Variants in MTA3 observed in about 807,000 individuals in gnomAD.
MTA3 encodes the protein metastasis associated 1 family member 3, also known as metastasis-associated protein MTA3.
MTA3 carries 34 observed loss-of-function variants against 83.5 expected under a neutral mutation model. The observed-to-expected ratio is 0.41, with a 90% CI of 0.31 to 0.54. The LOEUF is 0.54. Ranked by LOEUF, MTA3 falls within the 20% of genes least tolerant of loss-of-function variation. The pLI, the probability that MTA3 is intolerant of heterozygous loss-of-function variation, is 0.33. For synonymous variants in MTA3, 303 were observed against 252.7 expected (o/e 1.20, Z -1.89); for missense variants, 761 against 726.4 (o/e 1.05, Z -0.55).
intron 3 of MTA3, among the ~76,000 whole-genome samples, chr2:42,591,670 A>G (rs1239653864): frequency 6.9e-6 from 1 of 144,670 alleles, no homozygotes; most frequent in Non-Finnish European, 1.5e-5. Context: ...TATTTTTTTG[A>G]AACGGAGTTT....
At chr2:42,731,916 A>G (rs1403032697) in intron 16 of MTA3, among the ~76,000 whole-genome samples, 2 of 152,202 alleles carry the variant, frequency 1.3e-5, no homozygotes, top group East Asian at 3.8e-4. Flanking sequence ...CAAATGGGAG[A>G]AATTGGCCAA....
In MTA3 at chr2:42,663,151, T is replaced by G. The variant is rs116172950; in HGVS notation, c.702+3289T>G. On this transcript the variant is annotated intron_variant, in intron 8 of 16. Transcript: ENST00000405094. ...CCCTTGTAGTTTAACACTATTCTTATGAGATACTGCTTCTCAGATTATAAC... is the reference window on the plus strand; with the variant it reads ...CCCTTGTAGTTTAACACTATTCTTAGGAGATACTGCTTCTCAGATTATAAC... Among the ~76,000 whole-genome samples, 17 of 152,370 alleles carry G rather than the reference T, an allele frequency of 1.1e-4. 1 individual carries two copies. In the South Asian group the frequency reaches 3.3e-3, roughly 30 times the overall value.
At chr2:42,594,039 CCT>C (rs1397379473) in intron 3 of MTA3, among the ~76,000 whole-genome samples, 2 of 151,392 alleles carry the variant, frequency 1.3e-5, no homozygotes, top group Admixed American at 6.6e-5. Context: ...GCAACTTCCC[CCT>C]GTCAGGTTCA....
chr2:42,740,594 C>T (rs1344734672), intron 16 of MTA3, among the ~76,000 whole-genome samples: 4 of 152,356 alleles, frequency 2.6e-5, no homozygotes, highest in South Asian at 2.1e-4. Flanking sequence ...GTTGTGCTAG[C>T]GCACATGAAA....
chr2:42,662,876 C>A (rs1234042197), intron 8 of MTA3, among the ~76,000 whole-genome samples: 1 of 151,772 alleles, frequency 6.6e-6, no homozygotes, highest in African/African-American at 2.4e-5. Flanking sequence ...GGATTACAGG[C>A]GCACGTCACC....
chr2:42,562,868 G>A (rs1572987916), intron 2 of MTA3, among the ~76,000 whole-genome samples: 2 of 152,152 alleles, frequency 1.3e-5, no homozygotes, highest in Middle Eastern at 3.4e-3. Flanking sequence ...AAGGCACCTC[G>A]AACACAACCC....
chr2:42,658,976 T>C (rs1436878767), intron 7 of MTA3, among the ~76,000 whole-genome samples: 2 of 149,478 alleles, frequency 1.3e-5, no homozygotes, highest in Non-Finnish European at 1.5e-5. Context: ...TGCATGCCTA[T>C]AGTTACAGCT....
intron 4 of MTA3, among the ~76,000 whole-genome samples, chr2:42,617,403 T>C (rs1685027640): frequency 6.6e-6 from 1 of 152,172 alleles, no homozygotes; most frequent in South Asian, 2.1e-4. Flanking sequence ...AACAATTGTT[T>C]TAATATCAAA....
At chr2:42,702,807 G>A (rs1440733565) in intron 11 of MTA3, 1 of 152,242 alleles carries the variant, frequency 6.6e-6, no homozygotes, top group Non-Finnish European at 1.5e-5. Flanking sequence ...AGCAGCGGGG[G>A]AGTTAGCCTA....
chr2:42,635,131 G>T (rs746109354), intron 4 of MTA3, among the ~76,000 whole-genome samples: 13 of 152,208 alleles, frequency 8.5e-5, no homozygotes, highest in Admixed American at 5.9e-4. Flanking sequence ...TCAGAATTTT[G>T]AATCTGTGCT....
At chr2:42,633,323 C>G (rs964767548) in intron 4 of MTA3, among the ~76,000 whole-genome samples, 2 of 151,450 alleles carry the variant, frequency 1.3e-5, no homozygotes, top group Non-Finnish European at 2.9e-5. Context: ...ATGGCTCATG[C>G]CTGTAATCCC....
At chr2:42,746,791 G>C (rs1260825901) in intron 16 of MTA3, among the ~76,000 whole-genome samples, 1 of 152,208 alleles carries the variant, frequency 6.6e-6, no homozygotes, top group Non-Finnish European at 1.5e-5. Flanking sequence ...CACCTTCCAT[G>C]CCCTCCCTGG....
chr2:42,545,260 C>T (rs1276775471), intron 2 of MTA3, among the ~76,000 whole-genome samples: 2 of 152,142 alleles, frequency 1.3e-5, no homozygotes, highest in South Asian at 2.1e-4. Context: ...CGCCTGTACT[C>T]GCAGCTACTT....
chr2:42,508,839 A>AAATATATTAAATTATTAAATATATTATAT (rs1674764570), intron 2 of MTA3, among the ~76,000 whole-genome samples: 1 of 146,848 alleles, frequency 6.8e-6, no homozygotes, highest in Admixed American at 6.9e-5. Context: ...ATATAATATT[A>AAATATATTAAATTATTAAATATATTATAT]AATATATTAA....
At chr2:42,549,814 G>A (rs1323689562) in intron 2 of MTA3, among the ~76,000 whole-genome samples, 3 of 147,974 alleles carry the variant, frequency 2.0e-5, no homozygotes, top group Admixed American at 1.4e-4. Flanking sequence ...GAAATCTTGG[G>A]CCACCCAACT....
At chr2:42,633,615 G>C (rs1686895718) in intron 4 of MTA3, among the ~76,000 whole-genome samples, 1 of 151,576 alleles carries the variant, frequency 6.6e-6, no homozygotes, top group Non-Finnish European at 1.5e-5. Flanking sequence ...TTCTTGGCTG[G>C]GCGCGGTGGC....
At chr2:42,559,362 C>T (rs1018543276) in intron 2 of MTA3, among the ~76,000 whole-genome samples, 27 of 151,564 alleles carry the variant, frequency 1.8e-4, no homozygotes, top group African/African-American at 3.6e-4. Flanking sequence ...ATTAGCCAGG[C>T]GTGGTGGTGT....
chr2:42,587,470 G>A (rs1200677057), intron 3 of MTA3, among the ~76,000 whole-genome samples: 1 of 152,018 alleles, frequency 6.6e-6, no homozygotes, highest in Non-Finnish European at 1.5e-5. Flanking sequence ...GAGAATTCTT[G>A]TGTATGAAAT....
chr2:42,517,095 A>C (rs1374889872), intron 2 of MTA3, among the ~76,000 whole-genome samples: 12 of 151,914 alleles, frequency 7.9e-5, no homozygotes, highest in Admixed American at 5.9e-4. Flanking sequence ...CCCCATCTCT[A>C]CTAAAAATAC....
Sources: gnomAD v4.1 joint callset for allele counts (sites outside exome capture counted in the v4.1 genomes callset) on GRCh38, gnomAD v4.1.1 for gene constraint, MANE v1.5 for transcripts, NCBI Gene and HGNC (gene_info 2026-07-23, HGNC 2026-07-21) for gene names.